ARHGEF33: variants seen among roughly 807,000 people sequenced by gnomAD.
ARHGEF33 encodes the protein DH and coiled-coil domain-containing protein ENSP00000381780.
Under a neutral mutation model 101.9 loss-of-function variants are expected in ARHGEF33, and 72 were observed. The ratio of observed to expected loss-of-function variants is 0.71; its 90% CI spans 0.58 to 0.86. ARHGEF33 has a LOEUF of 0.86. Among genes scored for constraint, ARHGEF33 ranks in the 40% least tolerant of loss-of-function variants. ARHGEF33 has a pLI of 0.00. For missense variants in ARHGEF33, 1,169 were observed against 1,111.3 expected (o/e 1.05, Z -0.74); for synonymous variants, 499 against 442.5 (o/e 1.13, Z -1.60).
At chr2:38,904,061 A>G (rs945900563) in intron 2 of ARHGEF33, among the ~76,000 whole-genome samples, 1 of 152,224 alleles carries the variant, frequency 6.6e-6, no homozygotes, top group African/African-American at 2.4e-5. Flanking sequence ...TAACTTAGAA[A>G]ATGAGATTAT....
intron 4 of ARHGEF33, among the ~76,000 whole-genome samples, chr2:38,923,628 A>G (rs1666808029): frequency 6.6e-6 from 1 of 152,198 alleles, no homozygotes; most frequent in African/African-American, 2.4e-5. Context: ...CATATAATAC[A>G]TATTCAATAA....
chr2:38,955,707 C>T (rs1300244449), intron 13 of ARHGEF33, among the ~76,000 whole-genome samples: 1 of 151,436 alleles, frequency 6.6e-6, no homozygotes, highest in African/African-American at 2.4e-5. Flanking sequence ...GATGGAGTCT[C>T]ACTCTGTCGC....
At chr2:38,919,608 A>G in intron 3 of ARHGEF33, 136 bp downstream of exon 3, 2 of 955,782 alleles carry the variant, frequency 2.1e-6, no homozygotes, top group Non-Finnish European at 1.6e-6. Flanking sequence ...ATGACTATGA[A>G]GAATATAGAC....
chr2:38,944,061 A>C (rs1380938463), intron 10 of ARHGEF33, 31 bp downstream of exon 10: 1 of 1,530,320 alleles, frequency 6.5e-7, no homozygotes, highest in South Asian at 1.2e-5. Context: ...TTTGCTTTTC[A>C]GATTGATTAG....
chr2:38,907,879 G>C (rs1167089188), intron 2 of ARHGEF33, among the ~76,000 whole-genome samples: 2 of 137,202 alleles, frequency 1.5e-5, no homozygotes, highest in Admixed American at 1.5e-4. Context: ...TTTTTTTTTA[G>C]ACAATGTCTC....
intron 17 of ARHGEF33, among the ~76,000 whole-genome samples, chr2:38,973,424 G>A (rs1350540861): frequency 1.3e-5 from 2 of 152,194 alleles, no homozygotes; most frequent in African/African-American, 4.8e-5. Flanking sequence ...AGGATTTCTT[G>A]AATTTTCTGA....
At chr2:38,925,276 A>G (rs1422792643) in intron 4 of ARHGEF33, among the ~76,000 whole-genome samples, 1 of 152,240 alleles carries the variant, frequency 6.6e-6, no homozygotes, top group Non-Finnish European at 1.5e-5. Context: ...AAGAAAATAA[A>G]TGATGTGCCA....
At chr2:38,956,342 G>A (rs567881761) in intron 13 of ARHGEF33, among the ~76,000 whole-genome samples, 89 of 152,228 alleles carry the variant, frequency 5.8e-4, no homozygotes, top group African/African-American at 1.9e-3. Flanking sequence ...ACCTATTTAA[G>A]CACGTTGCGG....
intron 7 of ARHGEF33, among the ~76,000 whole-genome samples, chr2:38,931,799 T>A (rs927330331): frequency 6.6e-6 from 1 of 152,184 alleles, no homozygotes; most frequent in Non-Finnish European, 1.5e-5. Context: ...ACAAAAAAAA[T>A]TTGCCATGTC....
At position 38,953,171 on chromosome 2, in the gene ARHGEF33, T is replaced by C; in HGVS notation, c.1063T>C (p.Leu355=). Residue 355 remains leucine, a synonymous_variant, in exon 12 of 18, where the codon TTG becomes CTG. Coordinates refer to ENST00000409978, the MANE Select transcript of ARHGEF33 (RefSeq NM_001145451.5). ...TGTGTTTGTTTTAAAGAATAATTTC[T>C]TGGATTATTATGTTGCCTACCTAAG... ...LKLTNDENNF[L]DYYVAYLRDL... 1 of 1,498,582 alleles carries C rather than the reference T, an allele frequency of 6.7e-7. No homozygotes were observed. The highest frequency in any genetic ancestry group is 9.1e-7 in the Non-Finnish European group (1 of 1,098,200). 92.8% of individuals were successfully genotyped at this position (1,498,582 alleles called of 1,614,324 possible).
Position 38,943,966 on chromosome 2 carries a change from C to T in ARHGEF33, c.856C>T (p.Leu286=), listed in dbSNP as rs1357298075. The part of the protein sequence containing the change: ...SERKYVINIS[L]ILKIKATFQG... The stretch of plus-strand genomic sequence containing the variant: ...AAGAAAATATGTCATTAACATCTCT[C>T]TGATCTTGAAGATAAAAGCCACATT... The change falls in exon 10 of 18, where the codon CTG becomes TTG. Residue 286 remains leucine (L), a synonymous_variant. Coordinates refer to ENST00000409978, the MANE Select transcript of ARHGEF33 (RefSeq NM_001145451.5). 1 of 1,551,526 alleles carries T rather than the reference C, an allele frequency of 6.4e-7. No homozygotes were observed. The highest frequency in any genetic ancestry group is 2.0e-5 in the Admixed American group (1 of 50,960).
At chr2:38,966,588 C>T (rs1192682684) in intron 17 of ARHGEF33, among the ~76,000 whole-genome samples, 1 of 152,168 alleles carries the variant, frequency 6.6e-6, no homozygotes, top group East Asian at 1.9e-4. Context: ...CTGTTGTCAT[C>T]CTGGGTGCCA....
At chr2:38,944,473 A>G (rs1182176996) in intron 10 of ARHGEF33, among the ~76,000 whole-genome samples, 1 of 152,090 alleles carries the variant, frequency 6.6e-6, no homozygotes. Flanking sequence ...CACCCACCAT[A>G]GGCTCCACCT....
chr2:38,913,603 C>T (rs1666563693), intron 2 of ARHGEF33, among the ~76,000 whole-genome samples: 1 of 151,638 alleles, frequency 6.6e-6, no homozygotes, highest in East Asian at 1.9e-4. Context: ...GGCAAAAACC[C>T]ATCTATATTA....
chr2:38,897,919 G>A (rs575248278), intron 2 of ARHGEF33, among the ~76,000 whole-genome samples: 26 of 152,284 alleles, frequency 1.7e-4, no homozygotes, highest in Admixed American at 6.5e-4. Context: ...GACTGTCTTC[G>A]TGATAGAAGC....
chr2:38,895,394 C>G lies in ARHGEF33; in HGVS notation c.-158-383C>G, dbSNP rs373848387. Among the ~76,000 whole-genome samples, 19 of 152,278 alleles carry G rather than the reference C, an allele frequency of 1.2e-4. No homozygotes were observed. The East Asian group carries it at 3.5e-3, about 28-fold the overall frequency. ...TTAATGTGGAATATTAGAAAAGACT[C>G]TAGATTTGTGGCTTTCAATATTTTA... On this transcript the variant is annotated intron_variant, in intron 1 of 17. Coordinates refer to ENST00000409978, the MANE Select transcript of ARHGEF33 (RefSeq NM_001145451.5).
intron 3 of ARHGEF33, among the ~76,000 whole-genome samples, chr2:38,921,147 T>C (rs905405736): frequency 1.3e-5 from 2 of 152,214 alleles, no homozygotes; most frequent in South Asian, 4.1e-4. Flanking sequence ...TAGAACGTGG[T>C]TTTCTATTGC....
intron 1 of ARHGEF33, among the ~76,000 whole-genome samples, chr2:38,893,955 A>G (rs1423784478): frequency 6.6e-6 from 1 of 152,180 alleles, no homozygotes; most frequent in African/African-American, 2.4e-5. Flanking sequence ...TGAAGACTGA[A>G]GACTGAAGAC....
chr2:38,916,526 GA>G (rs1352664844), intron 2 of ARHGEF33, among the ~76,000 whole-genome samples: 1 of 152,120 alleles, frequency 6.6e-6, no homozygotes, highest in African/African-American at 2.4e-5. Flanking sequence ...TATCAGCAAT[GA>G]AAAAAGATTC....
Sources: allele counts gnomAD v4.1 joint callset (sites outside exome capture counted in the v4.1 genomes callset), GRCh38; gene constraint gnomAD v4.1.1; transcripts MANE v1.5; gene names NCBI Gene and HGNC (gene_info 2026-07-23, HGNC 2026-07-21).